The following LRRC37A variants were observed in gnomAD, a reference collection of about 807,000 sequenced individuals.
LRRC37A encodes leucine rich repeat containing 37A.
Under a neutral mutation model 35.4 loss-of-function variants are expected in LRRC37A, and 3 were observed. The ratio of observed to expected loss-of-function variants is 0.08; its 90% CI spans 0.04 to 0.22. The LOEUF is 0.22. Among genes scored for constraint, LRRC37A ranks in the 10% least tolerant of loss-of-function variants. The probability of loss-of-function intolerance (pLI) is 1.00; values close to 1 mark genes in which losing one functional copy is unlikely to be tolerated. For synonymous variants in LRRC37A, 23 were observed against 215.0 expected, an observed-to-expected ratio of 0.11 and a Z score of 7.81; for missense variants, 67 against 565.3, an observed-to-expected ratio of 0.12 and a Z score of 8.94.
chr17:46,278,756 C>T, the LRRC37A span, among the ~76,000 whole-genome samples: 1 of 152,136 alleles, frequency 6.6e-6, no homozygotes. Flanking sequence ...CATGCTTTGT[C>T]TGTAGGCTGA....
chr17:46,288,706 C>CTTTTTTTTTTTTTTTTTTTTTTT (rs199591277), upstream of LRRC37A, among the ~76,000 whole-genome samples: 3 of 139,048 alleles, frequency 2.2e-5, no homozygotes, highest in Admixed American at 1.4e-4. Context: ...CTTGTTTTTT[C>CTTTTTTTTTTTTTTTTTTTTTTT]TTTTTTTTTT....
At chr17:46,281,918 A>G in the LRRC37A span, among the ~76,000 whole-genome samples, 44 of 152,300 alleles carry the variant, frequency 2.9e-4, no homozygotes, top group Middle Eastern at 0.014. Context: ...TGCTGGGATT[A>G]CAGGCATGAG....
chr17:46,265,573 G>C, the LRRC37A span, among the ~76,000 whole-genome samples: 1 of 151,332 alleles, frequency 6.6e-6, no homozygotes, highest in Non-Finnish European at 1.5e-5. Context: ...CCACCTCCTA[G>C]GCTCAAGCGA....
At chr17:46,257,452 C>CAAA in the LRRC37A span, among the ~76,000 whole-genome samples, 2 of 83,322 alleles carry the variant, frequency 2.4e-5, no homozygotes, top group African/African-American at 5.4e-5. Flanking sequence ...GACTCTGTCT[C>CAAA]AAAAAAAAAA....
chr17:46,277,950 T>A, the LRRC37A span, among the ~76,000 whole-genome samples: 1 of 111,964 alleles, frequency 8.9e-6, no homozygotes, highest in Non-Finnish European at 2.4e-5. Context: ...TCTGGGTAGA[T>A]TTTTTTTCTT....
the LRRC37A span, among the ~76,000 whole-genome samples, chr17:46,266,812 T>G: frequency 0.15 from 21,950 of 150,928 alleles, 2,144 homozygotes; most frequent in Non-Finnish European, 0.22. Flanking sequence ...CCGCACACGC[T>G]CCCACAGGCC....
the LRRC37A span, among the ~76,000 whole-genome samples, chr17:46,283,476 T>G: frequency 6.6e-6 from 1 of 152,262 alleles, no homozygotes. Flanking sequence ...ACTACATCAA[T>G]GAACCCAAAA....
intron 5 of LRRC37A, among the ~76,000 whole-genome samples, chr17:46,316,967 A>T (rs1252903011): frequency 1.0e-5 from 1 of 99,204 alleles, no homozygotes; most frequent in African/African-American, 3.2e-5. Context: ...AGGCAGAAGA[A>T]TTTTTCTTAG....
intron 5 of LRRC37A, chr17:46,310,589 CT>C (rs1399559511): frequency 1.7e-5 from 1 of 58,316 alleles, no homozygotes; most frequent in Non-Finnish European, 4.5e-5. Context: ...GACATGATGG[CT>C]GAGCACCGGC....
chr17:46,282,125 C>T, the LRRC37A span, among the ~76,000 whole-genome samples: 1 of 151,266 alleles, frequency 6.6e-6, no homozygotes, highest in African/African-American at 2.4e-5. Context: ...TTTTTTGAGA[C>T]GGAGTCTCGC....
chr17:46,267,266 C>A, the LRRC37A span: 1 of 1,039,380 alleles, frequency 9.6e-7, no homozygotes, highest in Non-Finnish European at 1.4e-6. Context: ...TTGCTAAAAA[C>A]CAACGCCCAG....
At chr17:46,251,439 G>A in the LRRC37A span, among the ~76,000 whole-genome samples, 3 of 152,064 alleles carry the variant, frequency 2.0e-5, no homozygotes, top group African/African-American at 4.8e-5. Context: ...TGTATTTTTA[G>A]TAGAGATGGG....
At chr17:46,268,025 C>G in the LRRC37A span, among the ~76,000 whole-genome samples, 1 of 151,848 alleles carries the variant, frequency 6.6e-6, no homozygotes, top group Non-Finnish European at 1.5e-5. Flanking sequence ...CCTCAGCCTC[C>G]CAAGTAGCTG....
the LRRC37A span, among the ~76,000 whole-genome samples, chr17:46,253,029 G>T: frequency 7.0e-6 from 1 of 143,490 alleles, no homozygotes; most frequent in Non-Finnish European, 1.5e-5. Flanking sequence ...TCACTTCTCA[G>T]ACAGGGCGGT....
chr17:46,281,378 A>G, the LRRC37A span, among the ~76,000 whole-genome samples: 4 of 151,102 alleles, frequency 2.6e-5, no homozygotes, highest in Non-Finnish European at 5.9e-5. Flanking sequence ...AGCTCAGAAA[A>G]TTTTTCTTTT....
the LRRC37A span, among the ~76,000 whole-genome samples, chr17:46,286,960 T>G: frequency 6.6e-6 from 1 of 152,252 alleles, no homozygotes; most frequent in South Asian, 2.1e-4. Context: ...ACAGCCAATA[T>G]AGAACCTAGA....
At chr17:46,279,223 G>T in the LRRC37A span, among the ~76,000 whole-genome samples, 1 of 138,458 alleles carries the variant, frequency 7.2e-6, no homozygotes, top group East Asian at 2.1e-4. Context: ...TCGCTCTGTC[G>T]CCTAGGCTGG....
At chr17:46,252,628 G>A in the LRRC37A span, among the ~76,000 whole-genome samples, 16 of 149,116 alleles carry the variant, frequency 1.1e-4, no homozygotes, top group African/African-American at 3.9e-4. Context: ...ATCTTGCACC[G>A]CCCTTAATCC....
chr17:46,257,162 C>T, the LRRC37A span, among the ~76,000 whole-genome samples: 1 of 151,808 alleles, frequency 6.6e-6, no homozygotes, highest in African/African-American at 2.4e-5. Flanking sequence ...AGATTTAACA[C>T]TAGGCTGGGC....
Sources: allele counts gnomAD v4.1 joint callset (sites outside exome capture counted in the v4.1 genomes callset), GRCh38; gene constraint gnomAD v4.1.1; transcripts MANE v1.5; gene names NCBI Gene and HGNC (gene_info 2026-07-23, HGNC 2026-07-21).